SLC25A3: variants seen among roughly 807,000 people sequenced by gnomAD.
The protein encoded by SLC25A3 is solute carrier family 25 member 3.
Under a neutral mutation model 37.1 loss-of-function variants are expected in SLC25A3, and 14 were observed. The observed-to-expected ratio is 0.38, with a 90% CI of 0.25 to 0.59. The LOEUF is 0.59. Ranked by LOEUF, SLC25A3 falls within the 20% of genes least tolerant of loss-of-function variation. The pLI is 0.67. For missense variants in SLC25A3, 385 were observed against 458.1 expected (o/e 0.84, Z 1.46); for synonymous variants, 161 against 168.7 (o/e 0.95, Z 0.36).
Position 98,595,577 on chromosome 12 carries a change from C to A in SLC25A3, c.158-150C>A, listed in dbSNP as rs781624625. On this transcript the variant is annotated intron_variant, in intron 2 of 7. Transcript: ENST00000552981. Reference sequence around the variant, plus strand: ...ATGCAGGTTTGTTTTGCATGCTGGACTAGAGCATATTGAAGCATGACTGAC... The same window carrying A: ...ATGCAGGTTTGTTTTGCATGCTGGAATAGAGCATATTGAAGCATGACTGAC... 7.4e-6 allele frequency: 12 copies of A among 1,613,620 alleles called. No homozygotes were observed. In the Admixed American group the frequency reaches 1.0e-4, roughly 13 times the overall value.
intron 3 of SLC25A3, chr12:98,597,608 G>C: frequency 2.3e-6 from 1 of 442,084 alleles, no homozygotes; most frequent in Non-Finnish European, 4.1e-6. Flanking sequence ...TATTTTAGTA[G>C]AGATGGGGTT....
rs1437410370 is a variant in SLC25A3 at position 98,593,806 on chromosome 12, CGCT to C, written c.-5+70_-5+72del. On this transcript the variant is annotated intron_variant, in intron 1 of 7. Transcript: ENST00000552981. ...GCGGAGCCCAGAGCTCCTGTGGGGC[CGCT>C]GCTTTGGCGGTGGGCCCAGCCGGGA... The C allele has an allele frequency of 1.1e-4, 77 of 693,662 alleles. 1 individual carries two copies. The South Asian group carries it at 1.3e-3, about 12-fold the overall frequency. The allele number at this position is 693,662 out of a possible 1,614,324, so 43.0% of individuals were successfully genotyped here.
At chr12:98,598,141 C>A in intron 4 of SLC25A3, 106 bp downstream of exon 4, 1 of 1,113,138 alleles carries the variant, frequency 9.0e-7, no homozygotes, top group Non-Finnish European at 1.3e-6. Flanking sequence ...GAAAATGGTC[C>A]TACAAAGTGA....
In SLC25A3 at chr12:98,594,051, G is replaced by C; in HGVS notation, c.73G>C (p.Gly25Arg). The change falls in exon 2 of 8, where the codon GGT (glycine) becomes CGT (arginine). Residue 25 changes from glycine (G) to arginine (R), a missense_variant. Transcript: ENST00000552981. ...NTPHLQLVHDGLGDLRSSSPG... is the reference protein window; with the variant it reads ...NTPHLQLVHDRLGDLRSSSPG... ...GCCACATCTGCAGCTGGTGCACGAT[G>C]GTCTCGGGGACCTCCGCAGCAGCTC... is the stretch of plus-strand genomic sequence containing the variant. 1.2e-6 allele frequency: 2 copies of C among 1,613,388 alleles called. No individual in the cohort carries two copies. The highest frequency in any genetic ancestry group is 1.7e-6 in the Non-Finnish European group (2 of 1,179,868).
In SLC25A3 at chr12:98,598,345, T is replaced by C. The variant is rs115498097; in HGVS notation, c.460-177T>C. On this transcript the variant is annotated intron_variant, in intron 4 of 7. Coordinates refer to ENST00000552981, the MANE Select transcript of SLC25A3 (RefSeq NM_002635.4). ...CATCTAGATATTTTTTGAATATTCA[T>C]GTTGTTCACATAGTTACGTGTTTTG... is the stretch of plus-strand genomic sequence containing the variant. 2,007 of 957,424 alleles carry C rather than the reference T, an allele frequency of 2.1e-3. 23 individuals are homozygous for C. The African/African-American group carries it at 0.029, about 14-fold the overall frequency. 59.3% of individuals were successfully genotyped at this position (957,424 alleles called of 1,614,324 possible).
chr12:98,601,499 C>G lies in SLC25A3; in HGVS notation c.1057C>G (p.Leu353Val). ...TCCTCCACCCGAGATGCCAGAGTCTCTGAAGAAGAAGCTTGGGTTAACTCA... is the reference window on the plus strand; with the variant it reads ...TCCTCCACCCGAGATGCCAGAGTCTGTGAAGAAGAAGCTTGGGTTAACTCA... ...RPPPPEMPES[L>V]KKKLGLTQ is the part of the protein sequence containing the mutation. Residue 353 changes from leucine (L) to valine (V), a missense_variant, in exon 8 of 8, where the codon CTG becomes GTG. This residue lies in a region of SLC25A3 where 276 missense variants were observed against 367.6 expected (regional missense o/e 0.75). Coordinates refer to ENST00000552981, the MANE Select transcript of SLC25A3 (RefSeq NM_002635.4). 6.2e-7 allele frequency: 1 copy of G among 1,613,794 alleles called. No homozygotes were observed. Among genetic ancestry groups the G allele is most frequent in the Non-Finnish European group, 8.5e-7 (1 of 1,179,742 alleles).
intron 5 of SLC25A3, among the ~76,000 whole-genome samples, chr12:98,599,202 C>T (rs973573825): frequency 6.6e-6 from 1 of 152,090 alleles, no homozygotes; most frequent in African/African-American, 2.4e-5. Context: ...GCTGGGATTA[C>T]AGGCATGCAC....
At chr12:98,594,832 T>C (rs544724959) in intron 2 of SLC25A3, 20 of 186,408 alleles carry the variant, frequency 1.1e-4, no homozygotes, top group Non-Finnish European at 2.0e-4. Context: ...GAATGTTATC[T>C]ACCTTGTGCC....
rs778050686 is a variant in SLC25A3 at position 98,601,292 on chromosome 12, GT to G, written c.925+18del. The G allele has an allele frequency of 1.2e-6, 2 of 1,613,976 alleles. No homozygotes were observed. The highest frequency in any genetic ancestry group is 1.7e-6 in the Non-Finnish European group (2 of 1,179,948). ...GACTTGGATTTAAAGGTAGGATGATGTTTTTTTCTTGAAAGAAAGAACAACA... is the reference window on the plus strand; with the variant it reads ...GACTTGGATTTAAAGGTAGGATGATGTTTTTTCTTGAAAGAAAGAACAACA... On this transcript the variant is annotated intron_variant, in intron 7 of 7. Coordinates refer to ENST00000552981, the MANE Select transcript of SLC25A3 (RefSeq NM_002635.4).
At position 98,594,000 on chromosome 12, in the gene SLC25A3, C is replaced by T. The variant is rs145180863; in HGVS notation, c.22C>T (p.Leu8=). MFSSVAH[L]ARANPFNTPH... ...AAAGATGTTCTCGTCCGTGGCGCACCTGGCGCGGGCGAACCCCTTCAACAC... is the reference window on the plus strand; with the variant it reads ...AAAGATGTTCTCGTCCGTGGCGCACTTGGCGCGGGCGAACCCCTTCAACAC... The change falls in exon 2 of 8, where the codon CTG becomes TTG. Residue 8 remains leucine, a synonymous_variant. Transcript: ENST00000552981. 6 of 1,613,906 alleles carry T rather than the reference C, an allele frequency of 3.7e-6. No individual in the cohort carries two copies. The highest frequency in any genetic ancestry group is 3.3e-5 in the Admixed American group (2 of 60,034).
In SLC25A3 at chr12:98,604,768, C is replaced by A. The variant is rs2097600359; in HGVS notation, c.*3240C>A. 6.6e-6 allele frequency: 1 copy of A among 152,080 alleles called. No individual in the cohort carries two copies. The highest frequency in any genetic ancestry group is 1.5e-5 in the Non-Finnish European group (1 of 68,058). 9.4% of individuals were successfully genotyped at this position (152,080 alleles called of 1,614,324 possible). ...AGCCGCCTTGTCTGTCCCGTTTCGACCATATTTTATTTTTGAGAAGGTCTT... is the reference window on the plus strand; with the variant it reads ...AGCCGCCTTGTCTGTCCCGTTTCGAACATATTTTATTTTTGAGAAGGTCTT... On this transcript the variant is annotated 3_prime_UTR_variant, in exon 8 of 8. Transcript: ENST00000552981.
rs888764307 is a variant in SLC25A3 at position 98,601,999 on chromosome 12, C to T, written c.*471C>T. ...GCAAGTAAATGTCAGTGTATACTTA[C>T]ATTTTTGCAGCATGTACTACACCTT... On this transcript the variant is annotated 3_prime_UTR_variant, in exon 8 of 8. Coordinates refer to ENST00000552981, the MANE Select transcript of SLC25A3 (RefSeq NM_002635.4). The T allele has an allele frequency of 7.7e-5, 14 of 181,056 alleles. 1 individual carries two copies. Among genetic ancestry groups the T allele is most frequent in the African/African-American group, 2.2e-4 (9 of 41,776 alleles). 11.2% of individuals were successfully genotyped at this position (181,056 alleles called of 1,614,324 possible). A position where few individuals can be genotyped will look rare whatever the true frequency, so the allele number is the denominator to read the frequency against.
intron 2 of SLC25A3, chr12:98,594,830 T>C (rs2097591585): frequency 5.3e-6 from 1 of 188,448 alleles, no homozygotes; most frequent in Admixed American, 5.4e-5. Flanking sequence ...AAGAATGTTA[T>C]CTACCTTGTG....
chr12:98,598,238 C>T (rs995394469), intron 4 of SLC25A3: 27 of 678,412 alleles, frequency 4.0e-5, no homozygotes, highest in Admixed American at 8.6e-5. Flanking sequence ...TTTTAATATA[C>T]TATCTTGTTT....
chr12:98,599,198 A>C (rs1228487610), intron 5 of SLC25A3, among the ~76,000 whole-genome samples: 1 of 151,806 alleles, frequency 6.6e-6, no homozygotes, highest in African/African-American at 2.4e-5. Context: ...AATAGCTGGG[A>C]TTACAGGCAT....
chr12:98,599,360 TC>T (rs2097595781), intron 5 of SLC25A3, among the ~76,000 whole-genome samples: 1 of 152,214 alleles, frequency 6.6e-6, no homozygotes. Flanking sequence ...GCTGTGAACT[TC>T]ATTTTTTAGT....
rs2097601045 is a variant in SLC25A3, at chr12:98,606,063, A to C, written c.*4535A>C. On this transcript the variant is annotated 3_prime_UTR_variant, in exon 8 of 8. Coordinates refer to ENST00000552981, the MANE Select transcript of SLC25A3 (RefSeq NM_002635.4). ...GGAGTTTGAGGCTGCAATGAGCTAC[A>C]ATCACACCCCTGCACTCCGGCCTGG... 1 of 149,314 alleles carries C rather than the reference A, an allele frequency of 6.7e-6. No individual in the cohort carries two copies. Among genetic ancestry groups the C allele is most frequent in the Non-Finnish European group, 1.5e-5 (1 of 67,196 alleles). 9.2% of individuals were successfully genotyped at this position (149,314 alleles called of 1,614,324 possible).
intron 5 of SLC25A3, 164 bp from the exon 6 acceptor site, chr12:98,599,789 AAT>A (rs1406518194): frequency 1.2e-6 from 1 of 830,812 alleles, no homozygotes; most frequent in Non-Finnish European, 2.1e-6. Context: ...ATGTAAGAGA[AAT>A]ATACCTGCAT....
At chr12:98,596,233 T>C (rs1355154581) in intron 3 of SLC25A3, among the ~76,000 whole-genome samples, 1 of 152,192 alleles carries the variant, frequency 6.6e-6, no homozygotes, top group African/African-American at 2.4e-5. Context: ...AGGCAAAGAG[T>C]ACATGTAGAT....
Sources: gnomAD v4.1 joint callset for allele counts (sites outside exome capture counted in the v4.1 genomes callset) on GRCh38, gnomAD v4.1.1 for gene constraint, gnomAD v4.1.1 regional missense constraint, MANE v1.5 for transcripts, NCBI Gene and HGNC (gene_info 2026-07-23, HGNC 2026-07-21) for gene names.